EZH1: variants seen among roughly 807,000 people sequenced by gnomAD.
EZH1 encodes the protein enhancer of zeste 1 polycomb repressive complex 2 subunit.
Under a neutral mutation model 100.5 loss-of-function variants are expected in EZH1, and 33 were observed. That is an observed-to-expected ratio of 0.33 (90% CI 0.25 to 0.44). The LOEUF is 0.44. Among genes scored for constraint, EZH1 ranks in the 20% least tolerant of loss-of-function variants. The probability of loss-of-function intolerance (pLI) is 1.00; values close to 1 mark genes in which losing one functional copy is unlikely to be tolerated. For synonymous variants in EZH1, 272 were observed against 313.8 expected (o/e 0.87, Z 1.41); for missense variants, 475 against 928.4 (o/e 0.51, Z 6.35).
intron 18 of EZH1, 47 bp downstream of exon 18, chr17:42,704,555 G>GAAA: frequency 6.8e-6 from 8 of 1,170,050 alleles, no homozygotes; most frequent in East Asian, 3.0e-5. Flanking sequence ...CTCAAAAAAA[G>GAAA]AAAAAAAAAA....
rs901481683 is a variant in EZH1 at position 42,744,900 on chromosome 17, C to T, written c.-103+111G>A. ...CCGGCCAGGCAGGCAGTGTGTCCCT[C>T]GGATTCCTTCCAATTTCCTGATCCC... On this transcript the variant is annotated intron_variant, in intron 1 of 20. Transcript: ENST00000428826. The T allele has an allele frequency of 7.8e-6, 9 of 1,155,920 alleles. No individual in the cohort carries two copies. The African/African-American group carries it at 1.5e-4, about 19-fold the overall frequency. The allele number at this position is 1,155,920 out of a possible 1,614,324, so 71.6% of individuals were successfully genotyped here.
At chr17:42,730,520 G>A (rs1286980772) in intron 2 of EZH1, among the ~76,000 whole-genome samples, 6 of 101,704 alleles carry the variant, frequency 5.9e-5, no homozygotes, top group Admixed American at 1.5e-4. Context: ...TTTTTGAGAC[G>A]GAGTCTCGCT....
chr17:42,703,500 T>A, intron 19 of EZH1: 1 of 502,440 alleles, frequency 2.0e-6, no homozygotes, highest in Non-Finnish European at 3.6e-6. Context: ...GTGAGATGGG[T>A]CTCACTATGT....
intron 1 of EZH1, 59 bp downstream of exon 1, chr17:42,744,952 G>A (rs2054253535): frequency 1.6e-6 from 2 of 1,253,492 alleles, no homozygotes; most frequent in Admixed American, 2.6e-5. Context: ...TCAGGCCCAG[G>A]GCGGCGAGGG....
At chr17:42,708,106 A>G in intron 14 of EZH1, 23 bp from the exon 15 acceptor site, 1 of 1,580,274 alleles carries the variant, frequency 6.3e-7, no homozygotes, top group Middle Eastern at 2.0e-4. Flanking sequence ...ACAGAGGAGG[A>G]TGCTGCTGTG....
At chr17:42,716,980 G>A (rs527693389) in intron 10 of EZH1, among the ~76,000 whole-genome samples, 3 of 152,268 alleles carry the variant, frequency 2.0e-5, no homozygotes, top group Admixed American at 1.3e-4. Flanking sequence ...TTATAGGTGT[G>A]CACTACGACG....
Position 42,730,934 on chromosome 17 carries a change from C to A in EZH1, c.-102-16G>T, listed in dbSNP as rs1322294465. The A allele has an allele frequency of 4.1e-6, 4 of 981,630 alleles. No homozygotes were observed. In the African/African-American group the frequency reaches 7.0e-5, roughly 17 times the overall value. 60.8% of individuals were successfully genotyped at this position (981,630 alleles called of 1,614,324 possible). ...AGGTGTCCAGCTTTTCAAAAGAGAA[C>A]AGACAGTGGTTCTATTAAGTTAGTG... On this transcript the variant is annotated splice_polypyrimidine_tract_variant and intron_variant, in intron 1 of 20. Transcript: ENST00000428826.
Position 42,718,497 on chromosome 17 carries a change from T to C in EZH1, c.888A>G (p.Thr296=), listed in dbSNP as rs768882677. The change falls in exon 9 of 21, where the codon ACA becomes ACG. Residue 296 remains threonine (T), a synonymous_variant. Coordinates refer to ENST00000428826, the MANE Select transcript of EZH1 (RefSeq NM_001991.5). The surrounding 1 kb of genome is among the most constrained non-coding windows in gnomAD (Gnocchi z 4.2). ...ATTTAAAGCAGCGCCGGCAAAAAAG[T>C]GTGTGGAAGGAGTGCAGAGATTGCT... ...QREQSLHSFH[T]LFCRRCFKYD... 27 of 1,613,876 alleles carry C rather than the reference T, an allele frequency of 1.7e-5. No individual in the cohort carries two copies. The highest frequency in any genetic ancestry group is 2.2e-5 in the South Asian group (2 of 91,072).
chr17:42,722,629 A>T (rs1211551379), intron 6 of EZH1, among the ~76,000 whole-genome samples, 166 bp downstream of exon 6: 1 of 151,152 alleles, frequency 6.6e-6, no homozygotes, highest in Non-Finnish European at 1.5e-5. Context: ...CCGTCTCAAA[A>T]AAAAAAAAAA....
Position 42,718,660 on chromosome 17 carries a change from C to G in EZH1, c.768-43G>C, listed in dbSNP as rs565110714. 6.3e-7 allele frequency: 1 copy of G among 1,598,612 alleles called. No homozygotes were observed. Among genetic ancestry groups the G allele is most frequent in the Non-Finnish European group, 8.6e-7 (1 of 1,167,694 alleles). On this transcript the variant is annotated intron_variant, in intron 8 of 20. Coordinates refer to ENST00000428826, the MANE Select transcript of EZH1 (RefSeq NM_001991.5). The surrounding 1 kb of genome is among the most constrained non-coding windows in gnomAD (Gnocchi z 4.2). ...GATAAGAGTTCCTCCGAGGAACTGC[C>G]TCCACTGAGGAAATACAGATTGGGT...
In EZH1 at chr17:42,702,460, A is replaced by G; in HGVS notation, c.*72T>C. 7.7e-7 allele frequency: 1 copy of G among 1,292,626 alleles called. No individual in the cohort carries two copies. Among genetic ancestry groups the G allele is most frequent in the Non-Finnish European group, 1.1e-6 (1 of 920,426 alleles). 80.1% of individuals were successfully genotyped at this position (1,292,626 alleles called of 1,614,324 possible). ...TGGGAGACACAGTGCAGGAGACTCG[A>G]GCAGCAGTGGTGTGAGCACGAAAGC... On this transcript the variant is annotated 3_prime_UTR_variant, in exon 21 of 21. Transcript: ENST00000428826.
chr17:42,744,135 A>G (rs1333506085), intron 1 of EZH1, among the ~76,000 whole-genome samples: 1 of 152,030 alleles, frequency 6.6e-6, no homozygotes, highest in African/African-American at 2.4e-5. Flanking sequence ...TTCACCCTCC[A>G]TATTCCTTCA....
intron 4 of EZH1, among the ~76,000 whole-genome samples, chr17:42,726,105 C>T (rs1344537976): frequency 6.6e-6 from 1 of 151,004 alleles, no homozygotes; most frequent in African/African-American, 2.4e-5. Flanking sequence ...TCTTGAACTC[C>T]TGACCTCAGG....
chr17:42,712,488 G>A lies in EZH1; in HGVS notation c.1205-3C>T. On this transcript the variant is annotated splice_polypyrimidine_tract_variant and splice_region_variant and intron_variant, in intron 11 of 20. Transcript: ENST00000428826. ...AGTCTGACAGCGAGAGTTAGCCTCT[G>A]AGAAGGGAAGAAATAACAGAATCAG... is the stretch of plus-strand genomic sequence containing the variant. 1.9e-6 allele frequency: 3 copies of A among 1,610,310 alleles called. No individual in the cohort carries two copies. Among genetic ancestry groups the A allele is most frequent in the Non-Finnish European group, 2.5e-6 (3 of 1,178,454 alleles).
At position 42,724,837 on chromosome 17, in the gene EZH1, A is replaced by G. The variant is rs377346372; in HGVS notation, c.247-413T>C. Among the ~76,000 whole-genome samples, 130 of 152,186 alleles carry G rather than the reference A, an allele frequency of 8.5e-4. 2 individuals are homozygous for G. In the South Asian group the frequency reaches 0.018, roughly 22 times the overall value. ...AGTAGCCTCTAGTTCTTACAAGCTA[A>G]TAAATTAAATTTTTAAAATTCAGAT... On this transcript the variant is annotated intron_variant, in intron 4 of 20. Transcript: ENST00000428826.
Position 42,718,595 on chromosome 17 carries a change from A to G in EZH1, c.790T>C (p.Ser264Pro). 1 of 1,614,068 alleles carries G rather than the reference A, an allele frequency of 6.2e-7. No homozygotes were observed. Among genetic ancestry groups the G allele is most frequent in the East Asian group, 2.2e-5 (1 of 44,904 alleles). The change falls in exon 9 of 21, where the codon TCA becomes CCA. Residue 264 changes from serine (S) to proline (P), a missense_variant. Transcript: ENST00000428826. The surrounding 1 kb of genome is among the most constrained non-coding windows in gnomAD (Gnocchi z 4.2). ...TGAGGGGGAAGTGCATTGGGGTCTGACATCTCTGTTAGTTCTCGATACCTA... is the reference window on the plus strand; with the variant it reads ...TGAGGGGGAAGTGCATTGGGGTCTGGCATCTCTGTTAGTTCTCGATACCTA... ...KERYRELTEM[S>P]DPNALPPQCT...
At chr17:42,719,032 C>T in intron 8 of EZH1, 73 bp downstream of exon 8, 1 of 1,203,658 alleles carries the variant, frequency 8.3e-7, no homozygotes, top group South Asian at 1.3e-5. Context: ...TTTTTACTAA[C>T]CAAAAATTAG....
rs540203244 is a variant in EZH1 at position 42,743,987 on chromosome 17, C to T, written c.-103+1024G>A. 3.5e-3 allele frequency among the ~76,000 whole-genome samples: 535 copies of T among 152,162 alleles called. 4 individuals carry two copies. Among genetic ancestry groups the T allele is most frequent in the Non-Finnish European group, 5.3e-3 (362 of 68,012 alleles). ...TATTCAGCGGCAGTATGGCAGCAAA[C>T]GTGGAGGAGACTCGCGTTTTCATTG... is the stretch of plus-strand genomic sequence containing the variant. On this transcript the variant is annotated intron_variant, in intron 1 of 20. Transcript: ENST00000428826.
Position 42,734,492 on chromosome 17 carries a change from T to C in EZH1, c.-102-3574A>G, listed in dbSNP as rs184648320. ...GCTGGGACAACATGCCAAAACCCAG[T>C]CTCTACAAAAAAATTACAAAAATTA... On this transcript the variant is annotated intron_variant, in intron 1 of 20. Coordinates refer to ENST00000428826, the MANE Select transcript of EZH1 (RefSeq NM_001991.5). 7.2e-4 allele frequency among the ~76,000 whole-genome samples: 109 copies of C among 151,634 alleles called. 1 individual carries two copies. In the East Asian group the frequency reaches 0.018, roughly 25 times the overall value.
Sources: gnomAD v4.1 joint callset for allele counts (sites outside exome capture counted in the v4.1 genomes callset) on GRCh38, gnomAD v4.1.1 for gene constraint, Gnocchi (gnomAD v3.1) non-coding constraint, MANE v1.5 for transcripts, NCBI Gene and HGNC (gene_info 2026-07-23, HGNC 2026-07-21) for gene names.